The following CILK1 variants were observed in gnomAD, a reference collection of about 807,000 sequenced individuals.
The protein encoded by CILK1 is serine/threonine-protein kinase ICK.
A neutral mutation model predicts 79.2 loss-of-function variants in CILK1; 47 were observed. The ratio of observed to expected loss-of-function variants is 0.59; its 90% CI spans 0.47 to 0.76. The LOEUF (loss-of-function observed/expected upper bound fraction) is 0.76, where lower values mean the gene tolerates loss of function less well. Among genes scored for constraint, CILK1 ranks in the 30% least tolerant of loss-of-function variants. CILK1 has a pLI of 0.00. For synonymous variants in CILK1, 266 were observed against 275.9 expected (o/e 0.96, Z 0.36); for missense variants, 660 against 769.5 (o/e 0.86, Z 1.68).
intron 8 of CILK1, 122 bp downstream of exon 8, chr6:53,015,961 C>T: frequency 1.0e-6 from 1 of 967,496 alleles, no homozygotes; most frequent in East Asian, 2.5e-5. Context: ...ATATAGTACA[C>T]CATTAGTGGT....
chr6:53,008,210 T>A (rs977804841), intron 12 of CILK1, among the ~76,000 whole-genome samples: 1 of 151,510 alleles, frequency 6.6e-6, no homozygotes, highest in African/African-American at 2.4e-5. Context: ...ATATATGATA[T>A]ATATCTCTAT....
At chr6:53,060,983 A>C (rs2127480706) in intron 1 of CILK1, 1 of 152,362 alleles carries the variant, frequency 6.6e-6, no homozygotes, top group African/African-American at 2.4e-5. Context: ...GAATTCCCTC[A>C]GCCTAGCACA....
At chr6:53,059,289 A>G (rs928114850) in intron 1 of CILK1, among the ~76,000 whole-genome samples, 4 of 152,222 alleles carry the variant, frequency 2.6e-5, no homozygotes, top group Admixed American at 1.3e-4. Flanking sequence ...AGAAGGCCAC[A>G]CAACTAATAA....
chr6:53,016,235 CT>C lies in CILK1; in HGVS notation c.678del (p.Gly227AlafsTer8), dbSNP rs1245965312. ...LGTPKKTDWP[E>X]GYQLSSAMNF... ...TTCATTGCACTTGAAAGTTGATAGC[CT>C]TCAGGCCAGTCAGTCTGAAAGAAGG... On this transcript the variant is annotated frameshift_variant, in exon 8 of 14. Coordinates refer to ENST00000676107, the MANE Select transcript of CILK1 (RefSeq NM_014920.5). LOFTEE classifies it high-confidence loss of function. The C allele has an allele frequency of 6.2e-7, 1 of 1,614,014 alleles. No individual in the cohort carries two copies. Among genetic ancestry groups the C allele is most frequent in the African/African-American group, 1.3e-5 (1 of 75,030 alleles).
At position 53,052,728 on chromosome 6, in the gene CILK1, CAA is replaced by C. The variant is rs199639452; in HGVS notation, c.-173+8866_-173+8867del. On this transcript the variant is annotated intron_variant, in intron 1 of 13. Coordinates refer to ENST00000676107, the MANE Select transcript of CILK1 (RefSeq NM_014920.5). ...CCTGGGACAGAGTGAGATTCTGTCT[CAA>C]AAAAAAAAAAATCAATAAATAAAAA... 3.4e-4 allele frequency among the ~76,000 whole-genome samples: 45 copies of C among 132,064 alleles called. 1 individual carries two copies. In the South Asian group the frequency reaches 6.2e-3, roughly 18 times the overall value. 86.6% of individuals were successfully genotyped at this position (132,064 alleles called of 152,430 possible).
rs909172813 is a variant in CILK1 at position 53,011,650 on chromosome 6, C to T, written c.1492+119G>A. ...GCAAATATTTCTATGATGTTCCCCT[C>T]AGTTCTGAAGGGAAGCCCCCTAGTA... On this transcript the variant is annotated intron_variant, in intron 11 of 13. Transcript: ENST00000676107. 9 of 972,578 alleles carry T rather than the reference C, an allele frequency of 9.3e-6. No homozygotes were observed. The African/African-American group carries it at 1.4e-4, about 16-fold the overall frequency. 60.2% of individuals were successfully genotyped at this position (972,578 alleles called of 1,614,324 possible). A position where few individuals can be genotyped will look rare whatever the true frequency, so the allele number is the denominator to read the frequency against.
intron 13 of CILK1, among the ~76,000 whole-genome samples, chr6:53,005,965 A>G (rs574376999): frequency 6.6e-6 from 1 of 152,210 alleles, no homozygotes; most frequent in Non-Finnish European, 1.5e-5. Context: ...TGTCTGGAAA[A>G]GCCTCACTCA....
At position 53,005,292 on chromosome 6, in the gene CILK1, G is replaced by A. The variant is rs1296629342; in HGVS notation, c.1756C>T (p.Leu586=). The change falls in exon 14 of 14, where the codon CTG becomes TTG. Residue 586 remains leucine (L), a synonymous_variant. Transcript: ENST00000676107. Reference sequence around the variant, plus strand: ...CCAGGATGAGGTCTCATGGCCTTCAGGGAGGAATAACCTGCAATGAAAGAA... The same window carrying A: ...CCAGGATGAGGTCTCATGGCCTTCAAGGAGGAATAACCTGCAATGAAAGAA... The part of the protein sequence containing the change: ...IPDPSPGYSS[L]KAMRPHPGRP... 3 of 1,614,038 alleles carry A rather than the reference G, an allele frequency of 1.9e-6. No individual in the cohort carries two copies. Among genetic ancestry groups the A allele is most frequent in the Non-Finnish European group, 1.7e-6 (2 of 1,179,996 alleles).
In CILK1 at chr6:53,019,223, T is replaced by A; in HGVS notation, c.491+4A>T. 1.2e-6 allele frequency: 2 copies of A among 1,612,628 alleles called. No homozygotes were observed. Among genetic ancestry groups the A allele is most frequent in the Non-Finnish European group, 1.7e-6 (2 of 1,178,634 alleles). On this transcript the variant is annotated splice_donor_region_variant and intron_variant, in intron 6 of 13. Coordinates refer to ENST00000676107, the MANE Select transcript of CILK1 (RefSeq NM_014920.5). Reference sequence around the variant, plus strand: ...TAAATAATTTTGAGAAAAATGGTATTCACCATCTGGTAGATACATAATCTG... The same window carrying A: ...TAAATAATTTTGAGAAAAATGGTATACACCATCTGGTAGATACATAATCTG...
intron 5 of CILK1, among the ~76,000 whole-genome samples, chr6:53,028,506 C>CT (rs1178860304): frequency 2.6e-5 from 4 of 152,154 alleles, no homozygotes; most frequent in Admixed American, 2.6e-4. Flanking sequence ...TTAGTTTCCT[C>CT]TTTTTTGTAA....
rs903649927 is a variant in CILK1, at chr6:53,001,599, A to G, written c.*3550T>C. On this transcript the variant is annotated 3_prime_UTR_variant, in exon 14 of 14. Transcript: ENST00000676107. Reference sequence around the variant, plus strand: ...TAAAATTCACATTAGCACAGTGTCTATGAGAAATTGATAATACAGATTAAT... The same window carrying G: ...TAAAATTCACATTAGCACAGTGTCTGTGAGAAATTGATAATACAGATTAAT... The G allele has an allele frequency of 6.5e-6, 1 of 152,676 alleles. No individual in the cohort carries two copies. The highest frequency in any genetic ancestry group is 2.4e-5 in the African/African-American group (1 of 41,460). 9.5% of individuals were successfully genotyped at this position (152,676 alleles called of 1,614,324 possible). A position where few individuals can be genotyped will look rare whatever the true frequency, so the allele number is the denominator to read the frequency against.
intron 3 of CILK1, among the ~76,000 whole-genome samples, chr6:53,035,543 C>T (rs1406372114): frequency 1.3e-5 from 2 of 152,140 alleles, no homozygotes; most frequent in Admixed American, 1.3e-4. Flanking sequence ...CGCATGACAT[C>T]ATGGGAGCAG....
chr6:53,040,834 A>C (rs1390026587), intron 2 of CILK1, among the ~76,000 whole-genome samples: 1 of 152,172 alleles, frequency 6.6e-6, no homozygotes, highest in Non-Finnish European at 1.5e-5. Context: ...TATTTCTTAG[A>C]GTTTCAGTTT....
At chr6:53,032,879 G>A (rs937282769) in intron 3 of CILK1, among the ~76,000 whole-genome samples, 1 of 152,050 alleles carries the variant, frequency 6.6e-6, no homozygotes, top group Admixed American at 6.5e-5. Context: ...GTATGTATTC[G>A]ACCAGTAACT....
intron 4 of CILK1, 128 bp downstream of exon 4, chr6:53,032,405 T>C (rs1766027126): frequency 3.0e-6 from 1 of 337,706 alleles, no homozygotes; most frequent in African/African-American, 2.4e-5. Flanking sequence ...ATAATAATAA[T>C]AAAATAAAAT....
In CILK1 at chr6:53,041,139, T is replaced by C; in HGVS notation, c.98A>G (p.Lys33Arg). 6.2e-7 allele frequency: 1 copy of C among 1,607,968 alleles called. No homozygotes were observed. The highest frequency in any genetic ancestry group is 8.5e-7 in the Non-Finnish European group (1 of 1,174,394). Residue 33 changes from lysine to arginine, a missense_variant, in exon 2 of 14, where the codon AAA becomes AGA. Coordinates refer to ENST00000676107, the MANE Select transcript of CILK1 (RefSeq NM_014920.5). The stretch of plus-strand genomic sequence containing the variant: ...GGCAGTGAAGGATCAAACTTACTTT[T>C]TAATAGCGATCAGCTCCCCAGACTC... The part of the protein sequence containing the change: ...SIESGELIAI[K>R]KMKRKFYSWE...
chr6:53,034,006 T>A (rs777739600), intron 3 of CILK1, among the ~76,000 whole-genome samples: 3 of 152,220 alleles, frequency 2.0e-5, no homozygotes, highest in Non-Finnish European at 4.4e-5. Flanking sequence ...CTTCTTTCGG[T>A]CGGGTTGGAT....
chr6:53,046,934 A>T (rs1581756263), intron 1 of CILK1, among the ~76,000 whole-genome samples: 1 of 152,242 alleles, frequency 6.6e-6, no homozygotes, highest in East Asian at 1.9e-4. Flanking sequence ...TCTTACACAG[A>T]AAAGGAGAGA....
intron 1 of CILK1, among the ~76,000 whole-genome samples, chr6:53,046,308 G>A (rs1767069989): frequency 6.6e-6 from 1 of 152,066 alleles, no homozygotes; most frequent in Non-Finnish European, 1.5e-5. Context: ...TTTTGCAATG[G>A]CATTATACTA....
Sources: allele counts gnomAD v4.1 joint callset (sites outside exome capture counted in the v4.1 genomes callset), GRCh38; gene constraint gnomAD v4.1.1; transcripts MANE v1.5; gene names NCBI Gene and HGNC (gene_info 2026-07-23, HGNC 2026-07-21).